The following TMEM117 variants were observed in gnomAD, a reference collection of about 807,000 sequenced individuals.
TMEM117 encodes the protein transmembrane protein 117.
TMEM117 carries 27 observed loss-of-function variants against 52.4 expected under a neutral mutation model. The observed-to-expected ratio is 0.51, with a 90% CI of 0.38 to 0.71. The LOEUF is 0.71. Ranked by LOEUF, TMEM117 falls within the 30% of genes least tolerant of loss-of-function variation. The probability of loss-of-function intolerance (pLI) is 0.00; values close to 1 mark genes in which losing one functional copy is unlikely to be tolerated. For missense variants in TMEM117, 556 were observed against 630.5 expected, an observed-to-expected ratio of 0.88 and a Z score of 1.26; for synonymous variants, 215 against 206.3, an observed-to-expected ratio of 1.04 and a Z score of -0.36.
At chr12:44,158,411 C>T (rs1287271440) in intron 4 of TMEM117, among the ~76,000 whole-genome samples, 2 of 152,154 alleles carry the variant, frequency 1.3e-5, no homozygotes, top group South Asian at 2.1e-4. Context: ...CTGACAGAAG[C>T]TCAGATCCCT....
intron 3 of TMEM117, among the ~76,000 whole-genome samples, chr12:44,058,981 G>A (rs1947098657): frequency 1.3e-5 from 2 of 152,186 alleles, no homozygotes; most frequent in Non-Finnish European, 2.9e-5. Context: ...GTGGGCATAT[G>A]GTTTAGGGAA....
At chr12:44,155,161 T>C (rs1486865826) in intron 4 of TMEM117, among the ~76,000 whole-genome samples, 2 of 152,130 alleles carry the variant, frequency 1.3e-5, no homozygotes, top group African/African-American at 4.8e-5. Flanking sequence ...TTTTAAATAT[T>C]TTATCAAATT....
chr12:44,377,616 C>T (rs1951960197), intron 7 of TMEM117, among the ~76,000 whole-genome samples: 2 of 152,306 alleles, frequency 1.3e-5, no homozygotes, highest in South Asian at 4.1e-4. Flanking sequence ...TGACAAGAAG[C>T]AGACAGCTGA....
chr12:43,916,340 G>A (rs563001842), intron 2 of TMEM117, among the ~76,000 whole-genome samples: 2 of 152,084 alleles, frequency 1.3e-5, no homozygotes, highest in Non-Finnish European at 2.9e-5. Flanking sequence ...GTTCAAAGAA[G>A]AAAAAATTCT....
intron 2 of TMEM117, among the ~76,000 whole-genome samples, chr12:43,931,067 C>G (rs1944863694): frequency 6.6e-6 from 1 of 152,192 alleles, no homozygotes; most frequent in Admixed American, 6.5e-5. Context: ...TGAGAACCCA[C>G]CCCAAGCTGG....
intron 6 of TMEM117, among the ~76,000 whole-genome samples, chr12:44,346,121 GTTAAC>G (rs527405385): frequency 6.0e-4 from 91 of 152,180 alleles, no homozygotes; most frequent in African/African-American, 1.9e-3. Flanking sequence ...CTTTAAGTAA[GTTAAC>G]TTAAATCATT....
At chr12:44,109,969 A>G (rs1948028761) in intron 3 of TMEM117, among the ~76,000 whole-genome samples, 2 of 96,498 alleles carry the variant, frequency 2.1e-5, no homozygotes, top group Non-Finnish European at 3.9e-5. Context: ...CTTGGAAGCA[A>G]TTGTGAATGG....
intron 2 of TMEM117, among the ~76,000 whole-genome samples, chr12:43,895,824 A>G (rs1944191080): frequency 6.6e-6 from 1 of 152,212 alleles, no homozygotes. Context: ...ATGTCCTTAA[A>G]CTTACCCTTC....
intron 4 of TMEM117, among the ~76,000 whole-genome samples, chr12:44,189,150 A>G (rs1949318619): frequency 6.6e-6 from 1 of 152,174 alleles, no homozygotes; most frequent in African/African-American, 2.4e-5. Flanking sequence ...TCTGTCAAAC[A>G]ATATGTCTTA....
At chr12:44,210,914 T>C (rs1263455249) in intron 4 of TMEM117, among the ~76,000 whole-genome samples, 1 of 152,148 alleles carries the variant, frequency 6.6e-6, no homozygotes, top group African/African-American at 2.4e-5. Context: ...TGATTAATGA[T>C]ATCGCTAAAA....
chr12:43,870,637 T>C (rs1943687887), intron 2 of TMEM117, among the ~76,000 whole-genome samples: 1 of 152,190 alleles, frequency 6.6e-6, no homozygotes, highest in African/African-American at 2.4e-5. Flanking sequence ...ATATACCCAG[T>C]AATGGGATTG....
intron 3 of TMEM117, among the ~76,000 whole-genome samples, chr12:44,016,208 G>A (rs902338403): frequency 2.6e-5 from 4 of 152,074 alleles, no homozygotes; most frequent in African/African-American, 4.8e-5. Flanking sequence ...TTCTCCTCCT[G>A]GTGCTGTTCA....
At chr12:44,235,577 T>A (rs553832284) in intron 5 of TMEM117, among the ~76,000 whole-genome samples, 5 of 151,842 alleles carry the variant, frequency 3.3e-5, no homozygotes, top group South Asian at 2.1e-4. Context: ...TAAGAATTTT[T>A]AAAAATGTAT....
At chr12:43,827,372 T>C in the TMEM117 span, among the ~76,000 whole-genome samples, 3 of 152,186 alleles carry the variant, frequency 2.0e-5, no homozygotes, top group East Asian at 5.8e-4. Context: ...TTGAAGTGCC[T>C]GACACAGAAG....
chr12:44,230,115 C>T (rs1330440956), intron 5 of TMEM117, among the ~76,000 whole-genome samples: 2 of 151,926 alleles, frequency 1.3e-5, no homozygotes, highest in Admixed American at 1.3e-4. Flanking sequence ...TTTACTGACT[C>T]GTTTAATCAG....
intron 4 of TMEM117, among the ~76,000 whole-genome samples, chr12:44,157,153 A>T (rs1253391429): frequency 6.6e-6 from 1 of 152,178 alleles, no homozygotes; most frequent in Non-Finnish European, 1.5e-5. Flanking sequence ...AGTGTCATCT[A>T]CATAAACTTT....
At chr12:44,170,643 A>G (rs1417260675) in intron 4 of TMEM117, among the ~76,000 whole-genome samples, 1 of 152,168 alleles carries the variant, frequency 6.6e-6, no homozygotes, top group Admixed American at 6.5e-5. Flanking sequence ...GGTCTAAATA[A>G]CCAAGCAAGT....
chr12:44,168,709 A>G (rs1949003846), intron 4 of TMEM117, among the ~76,000 whole-genome samples: 1 of 152,214 alleles, frequency 6.6e-6, no homozygotes, highest in South Asian at 2.1e-4. Flanking sequence ...GATAAAACGT[A>G]CATAACATAA....
chr12:44,330,182 A>G (rs1013334645), intron 6 of TMEM117, among the ~76,000 whole-genome samples: 1 of 152,080 alleles, frequency 6.6e-6, no homozygotes, highest in African/African-American at 2.4e-5. Flanking sequence ...TCTGGATTGT[A>G]GCCATCTTAC....
Sources: gnomAD v4.1 joint callset for allele counts (sites outside exome capture counted in the v4.1 genomes callset) on GRCh38, gnomAD v4.1.1 for gene constraint, MANE v1.5 for transcripts, NCBI Gene and HGNC (gene_info 2026-07-23, HGNC 2026-07-21) for gene names.